Variants in C10orf90 observed in about 807,000 individuals in gnomAD.
The protein encoded by C10orf90 is chromosome 10 open reading frame 90, also known as (E2-independent) E3 ubiquitin-conjugating enzyme FATS.
C10orf90 carries 56 observed loss-of-function variants against 62.5 expected under a neutral mutation model. The observed-to-expected ratio is 0.90, with a 90% CI of 0.72 to 1.12. The LOEUF (loss-of-function observed/expected upper bound fraction) is 1.12. Ranked by LOEUF, C10orf90 falls within the 50% of genes most tolerant of loss-of-function variation. C10orf90 has a pLI of 0.00. For synonymous variants in C10orf90, 386 were observed against 340.4 expected, an observed-to-expected ratio of 1.13 and a Z score of -1.47; for missense variants, 970 against 880.4, an observed-to-expected ratio of 1.10 and a Z score of -1.29.
intron 2 of C10orf90, among the ~76,000 whole-genome samples, chr10:126,629,861 A>G (rs1321314239): frequency 6.8e-6 from 1 of 147,290 alleles, no homozygotes; most frequent in African/African-American, 2.5e-5. Context: ...GCTGAATGTC[A>G]GCTGCAAGGA....
At chr10:126,486,762 T>TA (rs1236933168) in intron 4 of C10orf90, among the ~76,000 whole-genome samples, 1 of 152,010 alleles carries the variant, frequency 6.6e-6, no homozygotes, top group African/African-American at 2.4e-5. Context: ...AATATTAATC[T>TA]AAAAAATTTA....
At chr10:126,584,871 C>A (rs980441567) in intron 2 of C10orf90, among the ~76,000 whole-genome samples, 5 of 151,920 alleles carry the variant, frequency 3.3e-5, no homozygotes, top group Admixed American at 3.3e-4. Context: ...GGTAGAGCTC[C>A]CTGGATGTGT....
intron 8 of C10orf90, 121 bp from the exon 9 acceptor site, chr10:126,426,211 T>G: frequency 1.3e-6 from 1 of 798,334 alleles, no homozygotes; most frequent in Non-Finnish European, 2.1e-6. Context: ...GCTTATGGGC[T>G]AGCTCACAAC....
At chr10:126,463,284 T>C in intron 5 of C10orf90, 1 of 152,644 alleles carries the variant, frequency 6.6e-6, no homozygotes, top group Non-Finnish European at 1.5e-5. Context: ...CCTGAGCGTC[T>C]CTGCAGCCGC....
intron 7 of C10orf90, among the ~76,000 whole-genome samples, chr10:126,452,239 A>G (rs534549569): frequency 4.6e-5 from 7 of 152,160 alleles, no homozygotes; most frequent in Non-Finnish European, 8.8e-5. Flanking sequence ...ACGTGGGCGT[A>G]TGGTTTTTTT....
intron 4 of C10orf90, among the ~76,000 whole-genome samples, chr10:126,499,007 G>A (rs1862235692): frequency 1.3e-5 from 2 of 152,230 alleles, no homozygotes; most frequent in Admixed American, 1.3e-4. Flanking sequence ...ACAGGGTAAA[G>A]TTTACCTTGG....
At chr10:126,603,610 C>T (rs1370289908) in intron 2 of C10orf90, among the ~76,000 whole-genome samples, 1 of 152,168 alleles carries the variant, frequency 6.6e-6, no homozygotes, top group Non-Finnish European at 1.5e-5. Context: ...TGCTGAAGCC[C>T]TCTGTGCCTC....
intron 7 of C10orf90, among the ~76,000 whole-genome samples, chr10:126,440,011 C>T (rs1288957667): frequency 6.6e-6 from 1 of 152,152 alleles, no homozygotes; most frequent in Non-Finnish European, 1.5e-5. Context: ...AGGAAACCTC[C>T]AGCTGAACTT....
intron 4 of C10orf90, among the ~76,000 whole-genome samples, chr10:126,483,089 A>G (rs142751456): frequency 6.6e-6 from 1 of 152,256 alleles, no homozygotes; most frequent in African/African-American, 2.4e-5. Context: ...TGTGAATTAT[A>G]TCTCCATGAA....
intron 1 of C10orf90, among the ~76,000 whole-genome samples, chr10:126,658,504 C>T (rs12264165): frequency 0.02 from 2,982 of 152,314 alleles, 79 homozygotes; most frequent in African/African-American, 0.067. Flanking sequence ...CTACAAAAAA[C>T]ATGAACTCTG....
intron 7 of C10orf90, among the ~76,000 whole-genome samples, chr10:126,447,460 G>A (rs996441949): frequency 6.6e-6 from 1 of 151,880 alleles, no homozygotes; most frequent in African/African-American, 2.4e-5. Flanking sequence ...AATGATAAAG[G>A]GGTCAATTCA....
chr10:126,638,093 A>G (rs929000658), intron 2 of C10orf90, among the ~76,000 whole-genome samples: 1 of 152,160 alleles, frequency 6.6e-6, no homozygotes, highest in African/African-American at 2.4e-5. Flanking sequence ...GCTGACATGG[A>G]ACAGCATTCC....
At chr10:126,530,902 G>A (rs190054864) in intron 2 of C10orf90, among the ~76,000 whole-genome samples, 93 of 152,200 alleles carry the variant, frequency 6.1e-4, no homozygotes, top group African/African-American at 2.2e-3. Context: ...GGCCAGGCGC[G>A]GTGGCTCACG....
intron 2 of C10orf90, among the ~76,000 whole-genome samples, chr10:126,644,323 C>T (rs981158176): frequency 6.6e-6 from 1 of 152,230 alleles, no homozygotes; most frequent in African/African-American, 2.4e-5. Flanking sequence ...CCAGTAAAAT[C>T]TGTCTTACCG....
intron 7 of C10orf90, among the ~76,000 whole-genome samples, chr10:126,449,564 G>T (rs6597769): frequency 0.39 from 58,829 of 151,962 alleles, 11,782 homozygotes; most frequent in South Asian, 0.48. Context: ...AAAAATAAAA[G>T]CATTCACGTT....
intron 3 of C10orf90, 30 bp from the exon 4 acceptor site, chr10:126,505,115 A>G: frequency 6.3e-7 from 1 of 1,577,700 alleles, no homozygotes; most frequent in Non-Finnish European, 8.6e-7. Flanking sequence ...CCGATTATTC[A>G]AGCAGTCTAT....
At chr10:126,553,005 C>T (rs1056549253) in intron 2 of C10orf90, among the ~76,000 whole-genome samples, 2 of 152,142 alleles carry the variant, frequency 1.3e-5, no homozygotes, top group Non-Finnish European at 2.9e-5. Context: ...CCATCATAAA[C>T]ACAAATCACT....
At position 126,664,556 on chromosome 10, in the gene C10orf90, C is replaced by T. The variant is rs571924111; in HGVS notation, c.240+5685G>A. ...GAGCCCAGACAGCCTCAACCCGGTG[C>T]TCTTTCTCTTAACCACACCACCACC... On this transcript the variant is annotated intron_variant, in intron 1 of 9. Coordinates refer to ENST00000488181, the MANE Select transcript of C10orf90 (RefSeq NM_001350921.2). Among the ~76,000 whole-genome samples the T allele has an allele frequency of 2.6e-5, 4 of 152,276 alleles. No individual in the cohort carries two copies. In the East Asian group the frequency reaches 5.8e-4, roughly 22 times the overall value.
chr10:126,464,116 A>G (rs978670227), intron 5 of C10orf90, among the ~76,000 whole-genome samples: 1 of 152,156 alleles, frequency 6.6e-6, no homozygotes, highest in East Asian at 1.9e-4. Context: ...TGTCCTTTCT[A>G]TAACATTCTT....
Sources: allele counts gnomAD v4.1 joint callset (sites outside exome capture counted in the v4.1 genomes callset), GRCh38; gene constraint gnomAD v4.1.1; transcripts MANE v1.5; gene names NCBI Gene and HGNC (gene_info 2026-07-23, HGNC 2026-07-21).